Variants in REPS2 observed in about 807,000 individuals in gnomAD.
The protein encoded by REPS2 is ralBP1-associated Eps domain-containing protein 2.
REPS2 carries 23 observed loss-of-function variants against 53.6 expected under a neutral mutation model. The observed-to-expected ratio is 0.43, with a 90% CI of 0.31 to 0.61. The LOEUF (loss-of-function observed/expected upper bound fraction) is 0.61, where lower values mean the gene tolerates loss of function less well. REPS2 is among the 20% of genes least tolerant of loss of function. REPS2 has a pLI of 0.11. For missense variants in REPS2, 446 were observed against 534.9 expected, an observed-to-expected ratio of 0.83 and a Z score of 1.64; for synonymous variants, 238 against 218.6, an observed-to-expected ratio of 1.09 and a Z score of -0.78.
chrX:17,045,580 A>G (rs1363991705), intron 5 of REPS2, among the ~76,000 whole-genome samples: 1 of 108,139 alleles, frequency 9.2e-6, no homozygotes, highest in African/African-American at 3.4e-5. Flanking sequence ...TACGTTTAGT[A>G]GAAACTCATC....
intron 13 of REPS2, among the ~76,000 whole-genome samples, chrX:17,095,085 G>A (rs2062678220): frequency 9.0e-6 from 1 of 111,674 alleles, no homozygotes; most frequent in South Asian, 3.7e-4. Context: ...CAGATATCTG[G>A]TAATACTTAG....
chrX:17,084,405 A>G, intron 13 of REPS2, among the ~76,000 whole-genome samples: 1 of 112,062 alleles, frequency 8.9e-6, no homozygotes, highest in Non-Finnish European at 1.9e-5. Flanking sequence ...CTTTCTCTTG[A>G]GTATATAGGT....
intron 17 of REPS2, among the ~76,000 whole-genome samples, chrX:17,142,475 A>G (rs2063458991): frequency 8.9e-6 from 1 of 112,243 alleles, no homozygotes; most frequent in Admixed American, 9.5e-5. Context: ...TCTCAATTAT[A>G]TAAAGAACTC....
chrX:17,080,375 C>T (rs1397319954), intron 13 of REPS2, among the ~76,000 whole-genome samples: 2 of 108,906 alleles, frequency 1.8e-5, no homozygotes, highest in Admixed American at 2.0e-4. Flanking sequence ...GTCCTTCTCC[C>T]CCATCACTCC....
the REPS2 span, among the ~76,000 whole-genome samples, chrX:17,162,444 A>G: frequency 8.9e-6 from 1 of 112,785 alleles, no homozygotes; most frequent in Non-Finnish European, 1.9e-5. Flanking sequence ...GGAAATTTAG[A>G]AGGCTACACA....
In REPS2 at chrX:17,152,855, T is replaced by C. The variant is rs1331258925; in HGVS notation, c.*5374T>C. 2.7e-5 allele frequency: 3 copies of C among 113,089 alleles called. No individual in the cohort carries two copies. Among genetic ancestry groups the C allele is most frequent in the Non-Finnish European group, 3.7e-5 (2 of 53,350 alleles). 9.3% of individuals were successfully genotyped at this position (113,089 alleles called of 1,213,427 possible). A position where few individuals can be genotyped will look rare whatever the true frequency, so the allele number is the denominator to read the frequency against. The stretch of plus-strand genomic sequence containing the variant: ...AGTGAGCCAGAAGCAAGAAGAGCCA[T>C]TTTAGTCTTCATAGCTATTGGCTAA... On this transcript the variant is annotated 3_prime_UTR_variant, in exon 18 of 18. Coordinates refer to ENST00000357277, the MANE Select transcript of REPS2 (RefSeq NM_004726.3).
At chrX:17,015,693 A>C in intron 2 of REPS2, among the ~76,000 whole-genome samples, 1 of 110,668 alleles carries the variant, frequency 9.0e-6, no homozygotes, top group Non-Finnish European at 1.9e-5. Flanking sequence ...TAGTTTGCGG[A>C]GAATGATGGT....
At chrX:17,024,194 G>A (rs1188991221) in intron 3 of REPS2, among the ~76,000 whole-genome samples, 3 of 109,189 alleles carry the variant, frequency 2.7e-5, no homozygotes, top group African/African-American at 1.0e-4. Context: ...TGCTGAGGTG[G>A]GAGGATTGCT....
At chrX:17,050,040 C>G (rs6629201) in intron 6 of REPS2, among the ~76,000 whole-genome samples, 1 of 105,114 alleles carries the variant, frequency 9.5e-6, no homozygotes, top group Non-Finnish European at 1.9e-5. Flanking sequence ...CTGCAAGCTC[C>G]ATTCATGGTA....
chrX:16,965,305 G>A (rs1406069650), intron 1 of REPS2, among the ~76,000 whole-genome samples: 1,554 of 54,272 alleles, frequency 0.029, no homozygotes, highest in East Asian at 0.041. Flanking sequence ...GCGGCTGGCC[G>A]GGCGGGGGGC....
rs2062256180 is a variant in REPS2 at position 17,068,442 on chromosome X, A to T, written c.1250A>T (p.Asn417Ile). ...VKDMADLPVP[N>I]QDVTSDDKQA... ...GACATGGCTGACCTTCCTGTCCCTA[A>T]CCAGGATGTAACTAGTGATGACAAA... Residue 417 changes from asparagine (N) to isoleucine (I), a missense_variant, in exon 10 of 18, where the codon AAC (asparagine) becomes ATC (isoleucine). Coordinates refer to ENST00000357277, the MANE Select transcript of REPS2 (RefSeq NM_004726.3). 1 of 1,205,776 alleles carries T rather than the reference A, an allele frequency of 8.3e-7. No homozygotes were observed. Among genetic ancestry groups the T allele is most frequent in the African/African-American group, 1.7e-5 (1 of 57,267 alleles).
chrX:16,981,318 A>G (rs1032250227), intron 1 of REPS2, among the ~76,000 whole-genome samples: 1 of 112,139 alleles, frequency 8.9e-6, no homozygotes, highest in Non-Finnish European at 1.9e-5. Context: ...GTATCAGTTC[A>G]TGGCTGGGAG....
At chrX:17,051,873 A>G (rs2062008022) in intron 6 of REPS2, among the ~76,000 whole-genome samples, 1 of 112,167 alleles carries the variant, frequency 8.9e-6, no homozygotes, top group South Asian at 3.7e-4. Flanking sequence ...ATGAAGGAAG[A>G]AAGATTCCTG....
chrX:17,018,923 T>A (rs1163200975), intron 2 of REPS2, among the ~76,000 whole-genome samples: 1 of 110,873 alleles, frequency 9.0e-6, no homozygotes, highest in Non-Finnish European at 1.9e-5. Context: ...TGCCTCAGCC[T>A]CCTGAGTAGC....
the REPS2 span, among the ~76,000 whole-genome samples, chrX:17,183,362 A>C: frequency 3.6e-5 from 4 of 112,281 alleles, no homozygotes; most frequent in Non-Finnish European, 7.5e-5. Flanking sequence ...ATTGTACCCC[A>C]AAAATATATA....
At chrX:16,972,919 A>G (rs1445974127) in intron 1 of REPS2, among the ~76,000 whole-genome samples, 2 of 111,802 alleles carry the variant, frequency 1.8e-5, no homozygotes, top group African/African-American at 3.3e-5. Context: ...TAACTAAACT[A>G]CAGAGCTTAT....
chrX:17,064,408 C>T (rs891269667), intron 9 of REPS2, among the ~76,000 whole-genome samples: 2 of 111,660 alleles, frequency 1.8e-5, no homozygotes, highest in Non-Finnish European at 3.8e-5. Context: ...GCCCTGTGAT[C>T]GATGACTCCA....
At chrX:16,976,485 G>A (rs887471137) in intron 1 of REPS2, among the ~76,000 whole-genome samples, 1 of 111,068 alleles carries the variant, frequency 9.0e-6, no homozygotes, top group Non-Finnish European at 1.9e-5. Flanking sequence ...GATCATCCAT[G>A]TTTTTGTACC....
chrX:17,151,957 CAT>C lies in REPS2; in HGVS notation c.*4477_*4478del, dbSNP rs993387857. 1.8e-5 allele frequency: 2 copies of C among 109,704 alleles called. No homozygotes were observed. Among genetic ancestry groups the C allele is most frequent in the African/African-American group, 6.7e-5 (2 of 30,020 alleles). The allele number at this position is 109,704 out of a possible 1,213,427, so 9.0% of individuals were successfully genotyped here. On this transcript the variant is annotated 3_prime_UTR_variant, in exon 18 of 18. Coordinates refer to ENST00000357277, the MANE Select transcript of REPS2 (RefSeq NM_004726.3). Reference sequence around the variant, plus strand: ...TTGTGTTTTTGGAGTCCTCAGCTCACATGTCTTGTTCCTCCTTCAGCACAAGC... The same window carrying C: ...TTGTGTTTTTGGAGTCCTCAGCTCACGTCTTGTTCCTCCTTCAGCACAAGC...
Sources: allele counts gnomAD v4.1 joint callset (sites outside exome capture counted in the v4.1 genomes callset), GRCh38; gene constraint gnomAD v4.1.1; transcripts MANE v1.5; gene names NCBI Gene and HGNC (gene_info 2026-07-23, HGNC 2026-07-21).